Variants in CREBBP observed in about 807,000 individuals in gnomAD.
The protein encoded by CREBBP is CREB-binding protein.
In CREBBP, 19 loss-of-function variants were observed where a neutral mutation model predicts 265.0. The observed-to-expected ratio is 0.07, with a 90% confidence interval of 0.05 to 0.11. The LOEUF (loss-of-function observed/expected upper bound fraction) is 0.11, where lower values mean the gene tolerates loss of function less well. CREBBP is among the 10% of genes least tolerant of loss of function. CREBBP has a pLI of 1.00. For synonymous variants in CREBBP, 1,457 were observed against 1,223.7 expected (o/e 1.19, Z -3.98); for missense variants, 2,525 against 3,219.0 (o/e 0.78, Z 5.22).
chr16:3,769,109 C>G (rs2141189230), intron 15 of CREBBP, 65 bp downstream of exon 15: 1 of 1,589,146 alleles, frequency 6.3e-7, no homozygotes, highest in Middle Eastern at 2.2e-4. Flanking sequence ...CTCCAAGCCT[C>G]GCCCGAGGAC....
chr16:3,764,961 T>C (rs1445166115), intron 16 of CREBBP, among the ~76,000 whole-genome samples: 1 of 152,020 alleles, frequency 6.6e-6, no homozygotes, highest in Non-Finnish European at 1.5e-5. Flanking sequence ...GTGTGGTTTT[T>C]TTTTTTGTTT....
In CREBBP at chr16:3,849,445, GTGTGTGTGTGTGTGT is replaced by G. The variant is rs1567360620; in HGVS notation, c.798+837_798+851del. ...TGTGTGTGTGTGTGTGTGTGTGTGT[GTGTGTGTGTGTGTGT>G]GTGTGTGTGTGTGTGTGTGTGTGTG... is the stretch of plus-strand genomic sequence containing the variant. On this transcript the variant is annotated intron_variant, in intron 2 of 30. Coordinates refer to ENST00000262367, the MANE Select transcript of CREBBP (RefSeq NM_004380.3). 6.2e-4 allele frequency among the ~76,000 whole-genome samples: 15 copies of G among 24,234 alleles called. 1 individual carries two copies. In the East Asian group the frequency reaches 0.034, roughly 54 times the overall value. The allele number at this position is 24,234 out of a possible 152,430, so 15.9% of individuals were successfully genotyped here.
chr16:3,750,958 G>A (rs1444726732), intron 20 of CREBBP, among the ~76,000 whole-genome samples: 8 of 152,138 alleles, frequency 5.3e-5, no homozygotes, highest in Non-Finnish European at 1.0e-4. Flanking sequence ...TTACATGGTC[G>A]GGCATGGTGG....
At chr16:3,756,535 A>C (rs970523667) in intron 19 of CREBBP, among the ~76,000 whole-genome samples, 1 of 152,272 alleles carries the variant, frequency 6.6e-6, no homozygotes. Context: ...TTTCTTAAGC[A>C]GATCCACCAC....
At position 3,728,405 on chromosome 16, in the gene CREBBP, C is replaced by CTGCTGCTGT. The variant is rs746989288; in HGVS notation, c.6633_6641dup (p.Gln2214_Gln2216dup). 6.8e-5 allele frequency: 109 copies of CTGCTGCTGT among 1,613,526 alleles called. No individual in the cohort carries two copies. The South Asian group carries it at 9.2e-4, about 14-fold the overall frequency. ...CAGCCATGCCGGCACTCCCTTGCTG[C>CTGCTGCTGT]TGCTGCTGTTGCTGCTGTTGTTGCT... On this transcript the variant is annotated inframe_insertion, in exon 31 of 31. Coordinates refer to ENST00000262367, the MANE Select transcript of CREBBP (RefSeq NM_004380.3). This position sits in a 1 kb window ranked among gnomAD's most constrained non-coding sequence, Gnocchi z 8.7.
At chr16:3,776,923 C>T (rs1209607640) in intron 11 of CREBBP, among the ~76,000 whole-genome samples, 2 of 152,022 alleles carry the variant, frequency 1.3e-5, no homozygotes. Context: ...GAGGCTGAGG[C>T]AGGAGAATGG....
rs201121768 is a variant in CREBBP, at chr16:3,879,857, G to A, written c.60C>T (p.Pro20=). Residue 20 remains proline, a synonymous_variant, in exon 1 of 31, where the codon CCC becomes CCT. Transcript: ENST00000262367. ...PNPKRAKLSS[P]GFSANDSTDF... is the part of the protein sequence containing the mutation. ...CTGTGCTGTCATTCGCCGAGAAACCGGGCGAGCTGAGTTTGGCTCTTTTGG... is the reference window on the plus strand; with the variant it reads ...CTGTGCTGTCATTCGCCGAGAAACCAGGCGAGCTGAGTTTGGCTCTTTTGG... 3.7e-6 allele frequency: 6 copies of A among 1,611,302 alleles called. No individual in the cohort carries two copies. Among genetic ancestry groups the A allele is most frequent in the East Asian group, 4.5e-5 (2 of 44,704 alleles).
intron 2 of CREBBP, among the ~76,000 whole-genome samples, chr16:3,830,171 C>T (rs1163487046): frequency 2.0e-5 from 3 of 152,010 alleles, no homozygotes; most frequent in Non-Finnish European, 4.4e-5. Context: ...TCGAGGTGGG[C>T]AGATCGCTTG....
At chr16:3,817,481 ACCTAACTCCC>A (rs139633483) in intron 2 of CREBBP, among the ~76,000 whole-genome samples, 31,521 of 152,042 alleles carry the variant, frequency 0.21, 3,994 homozygotes, top group Non-Finnish European at 0.29. Context: ...TCTACTACTC[ACCTAACTCCC>A]CCTTCTCTCA....
intron 2 of CREBBP, among the ~76,000 whole-genome samples, chr16:3,849,472 TGTGTGTGTGTGTGTGTGA>T (rs1334580345): frequency 1.6e-5 from 2 of 126,016 alleles, no homozygotes; most frequent in Non-Finnish European, 3.4e-5. Context: ...TGTGTGTGTG[TGTGTGTGTGTGTGTGTGA>T]TGTGCGTGAC....
At chr16:3,762,638 A>G (rs1317404889) in intron 16 of CREBBP, among the ~76,000 whole-genome samples, 1 of 152,170 alleles carries the variant, frequency 6.6e-6, no homozygotes, top group Non-Finnish European at 1.5e-5. Context: ...GCGCACCAGC[A>G]TCTCCCAAAA....
intron 2 of CREBBP, among the ~76,000 whole-genome samples, chr16:3,827,941 C>T (rs1481125751): frequency 6.6e-6 from 1 of 152,214 alleles, no homozygotes; most frequent in Non-Finnish European, 1.5e-5. Context: ...ATCCTCCTGC[C>T]TCAACCTCCC....
At chr16:3,820,760 T>C (rs2054126738) in intron 2 of CREBBP, among the ~76,000 whole-genome samples, 1 of 152,088 alleles carries the variant, frequency 6.6e-6, no homozygotes, top group Non-Finnish European at 1.5e-5. Context: ...TTTCGGAGGC[T>C]GAGGTGGGAG....
At chr16:3,766,073 G>A (rs961074704) in intron 16 of CREBBP, among the ~76,000 whole-genome samples, 3 of 152,022 alleles carry the variant, frequency 2.0e-5, no homozygotes, top group Admixed American at 6.6e-5. Context: ...ACACTGTATA[G>A]TGAAATATGT....
rs182077898 is a variant in CREBBP, at chr16:3,842,901, G to T, written c.798+7396C>A. ...GAATCGCTTGAACCTGGGAGGCAGG[G>T]GTTGCAGTGAGCTGAGATCATGCCA... On this transcript the variant is annotated intron_variant, in intron 2 of 30. Transcript: ENST00000262367. 2.6e-3 allele frequency among the ~76,000 whole-genome samples: 385 copies of T among 149,824 alleles called. 1 individual carries two copies. Among genetic ancestry groups the T allele is most frequent in the African/African-American group, 8.8e-3 (357 of 40,350 alleles).
At chr16:3,871,256 G>A (rs2055293847) in intron 1 of CREBBP, among the ~76,000 whole-genome samples, 3 of 150,454 alleles carry the variant, frequency 2.0e-5, no homozygotes, top group Non-Finnish European at 3.0e-5. Context: ...AAACTCAAAT[G>A]TGATGTCACC....
rs1482422459 is a variant in CREBBP at position 3,736,046 on chromosome 16, T to A, written c.4718A>T (p.Glu1573Val). Reference protein sequence around the residue: ...RKKEESTAASETTEGSQGDSK... With the variant: ...RKKEESTAASVTTEGSQGDSK... ...GAGAAGGGTCTGTACCTCAGTGGTT[T>A]CACTGGCTGCAGTGCTCTCTTCCTT... The change falls in exon 28 of 31, where the codon GAA (glutamate) becomes GTA (valine). Residue 1573 changes from glutamate to valine, a missense_variant. Glu to Val is a moderately radical substitution (Grantham distance 121, BLOSUM62 -2). This residue lies in a region of CREBBP where 93 missense variants were observed against 161.5 expected (regional missense o/e 0.58). Transcript: ENST00000262367. 3 of 1,614,234 alleles carry A rather than the reference T, an allele frequency of 1.9e-6. No homozygotes were observed. The highest frequency in any genetic ancestry group is 2.5e-6 in the Non-Finnish European group (3 of 1,180,036).
intron 28 of CREBBP, among the ~76,000 whole-genome samples, chr16:3,734,930 C>G (rs1018486930): frequency 6.6e-6 from 1 of 152,188 alleles, no homozygotes; most frequent in South Asian, 2.1e-4. Context: ...GGCAGCAGCC[C>G]ACGCAAGAGC....
At position 3,787,642 on chromosome 16, in the gene CREBBP, T is replaced by C. The variant is rs138970084; in HGVS notation, c.1330+4339A>G. 2.6e-3 allele frequency among the ~76,000 whole-genome samples: 390 copies of C among 148,826 alleles called. 1 individual carries two copies. The highest frequency in any genetic ancestry group is 8.8e-3 in the African/African-American group (363 of 41,038). ...TAAAAAAAGGAGGTTTTTTTTTTTG[T>C]TTTGTTTTGGTTTTTTGTTTTGTTT... On this transcript the variant is annotated intron_variant, in intron 5 of 30. Transcript: ENST00000262367.
Sources: gnomAD v4.1 joint callset for allele counts (sites outside exome capture counted in the v4.1 genomes callset) on GRCh38, gnomAD v4.1.1 for gene constraint, gnomAD v4.1.1 regional missense constraint, Gnocchi (gnomAD v3.1) non-coding constraint, MANE v1.5 for transcripts, NCBI Gene and HGNC (gene_info 2026-07-23, HGNC 2026-07-21) for gene names.